The following CADM2 variants were observed in gnomAD, a reference collection of about 807,000 sequenced individuals.
CADM2 encodes the protein cell adhesion molecule 2.
CADM2 carries 12 observed loss-of-function variants against 49.8 expected under a neutral mutation model. That is an observed-to-expected ratio of 0.24 (90% CI 0.15 to 0.39). The LOEUF is 0.39. Ranked by LOEUF, CADM2 falls within the 10% of genes least tolerant of loss-of-function variation. The probability of loss-of-function intolerance (pLI) is 1.00; values close to 1 mark genes in which losing one functional copy is unlikely to be tolerated. For missense variants in CADM2, 378 were observed against 492.3 expected (o/e 0.77, Z 2.20); for synonymous variants, 214 against 175.4 (o/e 1.22, Z -1.74).
intron 1 of CADM2, among the ~76,000 whole-genome samples, chr3:85,706,671 A>G (rs1317337052): frequency 1.3e-5 from 2 of 152,178 alleles, no homozygotes; most frequent in African/African-American, 4.8e-5. Context: ...ATATGAAAAA[A>G]TATACATTTC....
chr3:85,034,897 G>A (rs2035148201), intron 1 of CADM2, among the ~76,000 whole-genome samples: 1 of 149,094 alleles, frequency 6.7e-6, no homozygotes, highest in African/African-American at 2.5e-5. Flanking sequence ...CCACCTCCTG[G>A]GTTCAAGCAA....
Position 85,782,486 on chromosome 3 carries a change from C to G in CADM2, c.89-19561C>G, listed in dbSNP as rs182149690. On this transcript the variant is annotated intron_variant, in intron 2 of 9. Transcript: ENST00000383699. The stretch of plus-strand genomic sequence containing the variant: ...GGTCAGGAGATCGAGACCATCCTGG[C>G]TAACACAGTGAAACCCCATCTCTAC... Among the ~76,000 whole-genome samples, 541 of 151,788 alleles carry G rather than the reference C, an allele frequency of 3.6e-3. 8 individuals carry two copies. Among genetic ancestry groups the G allele is most frequent in the African/African-American group, 0.011 (449 of 41,418 alleles).
chr3:84,970,515 T>C (rs903638062), intron 1 of CADM2, among the ~76,000 whole-genome samples: 5 of 151,954 alleles, frequency 3.3e-5, no homozygotes, highest in African/African-American at 1.2e-4. Flanking sequence ...TTCCCTGATG[T>C]CTTGTGGATT....
chr3:85,638,769 TTTTC>T (rs954635057), intron 1 of CADM2, among the ~76,000 whole-genome samples: 2 of 152,106 alleles, frequency 1.3e-5, no homozygotes, highest in African/African-American at 2.4e-5. Flanking sequence ...CTATTTATTT[TTTTC>T]TTTCTTTCTT....
intron 1 of CADM2, among the ~76,000 whole-genome samples, chr3:85,533,927 A>G (rs531821961): frequency 8.5e-5 from 13 of 152,136 alleles, no homozygotes; most frequent in Non-Finnish European, 1.8e-4. Context: ...TACATATTCT[A>G]CAGAATATTT....
intron 2 of CADM2, among the ~76,000 whole-genome samples, chr3:85,743,170 C>A (rs2068467703): frequency 6.6e-6 from 1 of 152,054 alleles, no homozygotes; most frequent in South Asian, 2.1e-4. Flanking sequence ...TTCCTACTGG[C>A]AATTTTCAGC....
intron 1 of CADM2, among the ~76,000 whole-genome samples, chr3:85,212,771 C>A (rs2041808366): frequency 6.6e-6 from 1 of 151,036 alleles, no homozygotes; most frequent in South Asian, 2.1e-4. Flanking sequence ...CTTACTATTA[C>A]CAGTGAATTT....
chr3:85,114,719 T>C (rs1402396476), intron 1 of CADM2, among the ~76,000 whole-genome samples: 2 of 152,188 alleles, frequency 1.3e-5, no homozygotes, highest in Admixed American at 1.3e-4. Context: ...TGTGTGACCT[T>C]GGGCAAATTT....
intron 5 of CADM2, among the ~76,000 whole-genome samples, chr3:85,890,887 T>C (rs934849342): frequency 5.9e-5 from 9 of 152,086 alleles, no homozygotes; most frequent in African/African-American, 2.2e-4. Flanking sequence ...CAGCATGTGA[T>C]TGAAATAACT....
intron 2 of CADM2, among the ~76,000 whole-genome samples, chr3:85,801,652 T>C (rs2072045185): frequency 6.6e-6 from 1 of 152,172 alleles, no homozygotes; most frequent in Admixed American, 6.5e-5. Flanking sequence ...TATTTTATGT[T>C]TCCTCTACTG....
intron 1 of CADM2, among the ~76,000 whole-genome samples, chr3:85,237,458 A>G (rs2042432692): frequency 6.6e-6 from 1 of 151,802 alleles, no homozygotes; most frequent in Non-Finnish European, 1.5e-5. Context: ...AGTGATGACA[A>G]CTTTTCATTC....
intron 1 of CADM2, among the ~76,000 whole-genome samples, chr3:85,104,907 G>A (rs941654443): frequency 1.1e-4 from 17 of 152,218 alleles, no homozygotes; most frequent in African/African-American, 3.4e-4. Flanking sequence ...TGTGATTTTT[G>A]TACATTGATT....
In CADM2 at chr3:85,886,319, A is replaced by T. The variant is rs1713646457; in HGVS notation, c.521A>T (p.Glu174Val). 1 of 1,610,116 alleles carries T rather than the reference A, an allele frequency of 6.2e-7. No individual in the cohort carries two copies. The highest frequency in any genetic ancestry group is 1.3e-5 in the African/African-American group (1 of 74,958). ...ATAAGATGGTTCAAAAATGACAAAGAGATTAAAGGTAAAGAATAGAAAAAT... is the reference window on the plus strand; with the variant it reads ...ATAAGATGGTTCAAAAATGACAAAGTGATTAAAGGTAAAGAATAGAAAAAT... ...ADIRWFKNDK[E>V]IKDVKYLKEE... The change falls in exon 5 of 10, where the codon GAG (glutamate) becomes GTG (valine). Residue 174 changes from glutamate (E) to valine (V), a missense_variant. Physicochemically the swap from Glu to Val is moderately radical, Grantham distance 121. Transcript: ENST00000383699.
At chr3:85,015,092 C>T (rs557564961) in intron 1 of CADM2, among the ~76,000 whole-genome samples, 2 of 152,060 alleles carry the variant, frequency 1.3e-5, no homozygotes, top group African/African-American at 2.4e-5. Flanking sequence ...ACATAGTATA[C>T]ATACACGTAT....
At chr3:85,853,771 G>T (rs1280313152) in intron 3 of CADM2, among the ~76,000 whole-genome samples, 1 of 151,772 alleles carries the variant, frequency 6.6e-6, no homozygotes, top group Non-Finnish European at 1.5e-5. Flanking sequence ...TTAAAAAGAA[G>T]GAAACTAAAA....
rs142144366 is a variant in CADM2, at chr3:85,855,621, CATAT to C, written c.239-27653_239-27650del. 4.2e-3 allele frequency among the ~76,000 whole-genome samples: 226 copies of C among 54,016 alleles called. 6 individuals carry two copies. The highest frequency in any genetic ancestry group is 9.9e-3 in the African/African-American group (216 of 21,826). The allele number at this position is 54,016 out of a possible 152,430, so 35.4% of individuals were successfully genotyped here. On this transcript the variant is annotated intron_variant, in intron 3 of 9. Transcript: ENST00000383699. ...ATAAAACATATATATATATATAAAA[CATAT>C]ATATATATATATATATTTTGAGACG...
At chr3:84,997,400 A>G (rs1161744025) in intron 1 of CADM2, among the ~76,000 whole-genome samples, 6 of 152,022 alleles carry the variant, frequency 3.9e-5, no homozygotes, top group African/African-American at 1.2e-4. Context: ...GTATTACTTG[A>G]ATTATTCATA....
At chr3:85,198,125 A>C (rs2041391207) in intron 1 of CADM2, among the ~76,000 whole-genome samples, 1 of 151,990 alleles carries the variant, frequency 6.6e-6, no homozygotes, top group African/African-American at 2.4e-5. Flanking sequence ...TAACATAGTT[A>C]TACTAGTACA....
chr3:85,460,775 C>A (rs2038209671), intron 1 of CADM2, among the ~76,000 whole-genome samples: 1 of 150,778 alleles, frequency 6.6e-6, no homozygotes, highest in African/African-American at 2.4e-5. Flanking sequence ...CACCAGCCCA[C>A]CACCATTCCC....
Sources: gnomAD v4.1 joint callset for allele counts (sites outside exome capture counted in the v4.1 genomes callset) on GRCh38, gnomAD v4.1.1 for gene constraint, MANE v1.5 for transcripts, NCBI Gene and HGNC (gene_info 2026-07-23, HGNC 2026-07-21) for gene names.